ARB2A: variants seen among roughly 807,000 people sequenced by gnomAD.
The protein encoded by ARB2A is ARB2 cotranscriptional regulator A, also known as cotranscriptional regulator ARB2A.
chr5:93,630,555 C>G, the ARB2A span, among the ~76,000 whole-genome samples: 8 of 152,170 alleles, frequency 5.3e-5, no homozygotes, highest in Admixed American at 2.6e-4. Context: ...ATCCTTTCCT[C>G]TAGCTCCTTT....
the ARB2A span, among the ~76,000 whole-genome samples, chr5:94,104,638 T>C: frequency 6.6e-6 from 1 of 151,840 alleles, no homozygotes. Context: ...GGACTCCTCG[T>C]CAAATCATTC....
the ARB2A span, among the ~76,000 whole-genome samples, chr5:93,790,016 T>A: frequency 2.6e-5 from 4 of 152,346 alleles, no homozygotes; most frequent in Non-Finnish European, 4.4e-5. Flanking sequence ...CAATTTCTAT[T>A]TTGAAAGTAG....
chr5:93,695,487 A>G, the ARB2A span, among the ~76,000 whole-genome samples: 4 of 152,242 alleles, frequency 2.6e-5, no homozygotes, highest in Non-Finnish European at 5.9e-5. Context: ...ACAATGAGAT[A>G]CCATCTCATG....
chr5:93,833,710 T>C, the ARB2A span, among the ~76,000 whole-genome samples: 10 of 152,234 alleles, frequency 6.6e-5, no homozygotes, highest in Admixed American at 5.2e-4. Flanking sequence ...ACAAAGTACA[T>C]GCTTTTTATA....
At chr5:93,795,722 C>G in the ARB2A span, among the ~76,000 whole-genome samples, 3 of 151,964 alleles carry the variant, frequency 2.0e-5, no homozygotes, top group African/African-American at 7.3e-5. Context: ...GTAGGTTTTT[C>G]TTAGATCTTA....
the ARB2A span, among the ~76,000 whole-genome samples, chr5:93,962,395 A>G: frequency 6.6e-6 from 1 of 152,184 alleles, no homozygotes; most frequent in Non-Finnish European, 1.5e-5. Context: ...CTTTATGCCT[A>G]TTTATGAGAG....
At chr5:93,726,738 G>T in the ARB2A span, among the ~76,000 whole-genome samples, 1 of 152,012 alleles carries the variant, frequency 6.6e-6, no homozygotes, top group African/African-American at 2.4e-5. Context: ...CTAGAGTACA[G>T]TAACTGAAAT....
At chr5:94,010,810 AG>A in the ARB2A span, among the ~76,000 whole-genome samples, 6 of 151,944 alleles carry the variant, frequency 3.9e-5, no homozygotes, top group Non-Finnish European at 7.4e-5. Flanking sequence ...TAAAAACAAA[AG>A]GAAAATTAAA....
At chr5:93,826,469 G>C in the ARB2A span, among the ~76,000 whole-genome samples, 1 of 152,078 alleles carries the variant, frequency 6.6e-6, no homozygotes, top group African/African-American at 2.4e-5. Flanking sequence ...ATTTCCTTCT[G>C]TATGTACCAC....
chr5:93,685,587 T>C, the ARB2A span, among the ~76,000 whole-genome samples: 1 of 152,292 alleles, frequency 6.6e-6, no homozygotes, highest in South Asian at 2.1e-4. Flanking sequence ...ATTCTCTAAG[T>C]GAGTGGTTCT....
chr5:94,079,659 T>C, the ARB2A span, among the ~76,000 whole-genome samples: 1 of 152,208 alleles, frequency 6.6e-6, no homozygotes. Flanking sequence ...GTATTACAAT[T>C]TGGAGTTTGG....
the ARB2A span, among the ~76,000 whole-genome samples, chr5:94,047,887 T>C: frequency 2.0e-5 from 3 of 152,148 alleles, no homozygotes; most frequent in African/African-American, 7.2e-5. Context: ...CCTGTCCAAG[T>C]GAGCTGGTGG....
At chr5:93,948,339 C>CA in the ARB2A span, among the ~76,000 whole-genome samples, 3 of 152,178 alleles carry the variant, frequency 2.0e-5, no homozygotes, top group African/African-American at 7.2e-5. Flanking sequence ...TCATGTCCTT[C>CA]ACCCACTTTT....
At chr5:93,650,825 T>TA in the ARB2A span, among the ~76,000 whole-genome samples, 1,468 of 127,534 alleles carry the variant, frequency 0.012, 15 homozygotes, top group African/African-American at 0.03. Context: ...CTTTCTCTAC[T>TA]AAAAAAAAAA....
the ARB2A span, chr5:93,620,198 A>T: frequency 6.6e-6 from 1 of 152,238 alleles, no homozygotes; most frequent in Non-Finnish European, 1.5e-5. Flanking sequence ...GGACCTTCAC[A>T]CCTACACTTA....
the ARB2A span, among the ~76,000 whole-genome samples, chr5:93,682,503 GTTTT>G: frequency 7.5e-6 from 1 of 133,096 alleles, no homozygotes; most frequent in Non-Finnish European, 1.6e-5. Context: ...TAGGCAAAAA[GTTTT>G]TTTTTTTTTT....
At chr5:94,066,667 T>C in the ARB2A span, among the ~76,000 whole-genome samples, 2 of 152,152 alleles carry the variant, frequency 1.3e-5, no homozygotes, top group African/African-American at 4.8e-5. Flanking sequence ...AGACCAGTTG[T>C]GAGTAATGAG....
chr5:94,041,531 TAAG>T, the ARB2A span, among the ~76,000 whole-genome samples: 1 of 152,036 alleles, frequency 6.6e-6, no homozygotes, highest in African/African-American at 2.4e-5. Flanking sequence ...TTAATAATAA[TAAG>T]AGCTTAAATT....
the ARB2A span, among the ~76,000 whole-genome samples, chr5:93,644,102 C>A: frequency 1.3e-5 from 2 of 152,242 alleles, no homozygotes; most frequent in Admixed American, 1.3e-4. Flanking sequence ...GTTTTGTGGA[C>A]CCTTTATTCC....
Sources: gnomAD v4.1 joint callset for allele counts (sites outside exome capture counted in the v4.1 genomes callset) on GRCh38, gnomAD v4.1.1 for gene constraint, MANE v1.5 for transcripts, NCBI Gene and HGNC (gene_info 2026-07-23, HGNC 2026-07-21) for gene names.